The following FIRRM variants were observed in gnomAD, a reference collection of about 807,000 sequenced individuals.
FIRRM encodes FIGNL1 interacting regulator of recombination and mitosis, also known as FIGNL1-interacting regulator of recombination and mitosis.
chr1:169,849,687 T>C, the FIRRM span: 1 of 1,086,522 alleles, frequency 9.2e-7, no homozygotes, highest in Non-Finnish European at 1.4e-6. Flanking sequence ...AAAACATTTA[T>C]TGAACTGCTT....
At chr1:169,852,974 A>C in the FIRRM span, 1 of 1,614,008 alleles carries the variant, frequency 6.2e-7, no homozygotes, top group Admixed American at 1.7e-5. Flanking sequence ...CGTTACATAC[A>C]TACTCTAGGG....
the FIRRM span, chr1:169,853,717 C>CAGTT: frequency 5.6e-6 from 9 of 1,613,112 alleles, no homozygotes; most frequent in Middle Eastern, 1.6e-4. Flanking sequence ...CTATTGTCAC[C>CAGTT]AGTTATTATC....
chr1:169,791,852 A>G, the FIRRM span, among the ~76,000 whole-genome samples: 1 of 152,212 alleles, frequency 6.6e-6, no homozygotes, highest in Non-Finnish European at 1.5e-5. Context: ...TGGTAACGTG[A>G]AAATTTTTGC....
At chr1:169,827,603 A>C in the FIRRM span, 5 of 1,216,408 alleles carry the variant, frequency 4.1e-6, no homozygotes, top group Non-Finnish European at 5.9e-6. Context: ...ACACCACTGC[A>C]CTCCAGGCTG....
chr1:169,852,885 A>G, the FIRRM span: 2 of 1,614,176 alleles, frequency 1.2e-6, no homozygotes, highest in Non-Finnish European at 1.7e-6. Flanking sequence ...CAACTGAGTC[A>G]CTACTCCAAA....
chr1:169,795,320 C>A, the FIRRM span: 1 of 1,421,016 alleles, frequency 7.0e-7, no homozygotes, highest in Non-Finnish European at 9.4e-7. Context: ...TATATTACCG[C>A]GGCCTGAACC....
the FIRRM span, chr1:169,849,721 C>T: frequency 1.3e-6 from 1 of 743,984 alleles, no homozygotes; most frequent in Non-Finnish European, 2.2e-6. Flanking sequence ...GGAAAATTGT[C>T]TGAAGGGTAC....
chr1:169,834,325 C>A, the FIRRM span, among the ~76,000 whole-genome samples: 2 of 152,122 alleles, frequency 1.3e-5, no homozygotes, highest in East Asian at 3.9e-4. Context: ...CCTGAATCTG[C>A]ATACCTATTT....
the FIRRM span, among the ~76,000 whole-genome samples, chr1:169,828,817 A>G: frequency 6.6e-6 from 1 of 152,218 alleles, no homozygotes; most frequent in Admixed American, 6.5e-5. Flanking sequence ...AAATGCTGGG[A>G]TTACAGGCGT....
chr1:169,839,605 G>T, the FIRRM span, among the ~76,000 whole-genome samples: 261 of 152,154 alleles, frequency 1.7e-3, no homozygotes, highest in African/African-American at 6.2e-3. Context: ...TTTTTTACTT[G>T]TTCAGGTGTT....
the FIRRM span, among the ~76,000 whole-genome samples, chr1:169,826,362 A>AT: frequency 0.75 from 97,630 of 129,830 alleles, 37,074 homozygotes; most frequent in African/African-American, 0.92. Flanking sequence ...CACACCCGGC[A>AT]TTTTTTTTTT....
chr1:169,785,353 T>C, the FIRRM span, among the ~76,000 whole-genome samples: 1 of 152,216 alleles, frequency 6.6e-6, no homozygotes, highest in Non-Finnish European at 1.5e-5. Flanking sequence ...GTCTGCAGCT[T>C]AAGCGTTAAC....
At chr1:169,832,360 A>T in the FIRRM span, 1 of 1,242,058 alleles carries the variant, frequency 8.1e-7, no homozygotes, top group South Asian at 1.2e-5. Flanking sequence ...CTCTTCTTGT[A>T]AAAATTCTGA....
chr1:169,804,693 T>G, the FIRRM span, among the ~76,000 whole-genome samples: 1 of 152,236 alleles, frequency 6.6e-6, no homozygotes, highest in African/African-American at 2.4e-5. Flanking sequence ...TATTTTATTT[T>G]ATTTTTTTGA....
the FIRRM span, chr1:169,851,017 C>G: frequency 3.6e-5 from 1 of 27,802 alleles, no homozygotes; most frequent in Non-Finnish European, 7.3e-5. Context: ...ATTTGGGCAG[C>G]CTCCCAAGCC....
chr1:169,796,765 T>C, the FIRRM span, among the ~76,000 whole-genome samples: 1 of 152,236 alleles, frequency 6.6e-6, no homozygotes, highest in African/African-American at 2.4e-5. Flanking sequence ...CTTGCCCTTC[T>C]CTCATACCTA....
the FIRRM span, chr1:169,849,936 G>A: frequency 2.1e-6 from 1 of 467,378 alleles, no homozygotes; most frequent in East Asian, 3.9e-5. Flanking sequence ...CAGTCATAAG[G>A]GTTAGGCTGA....
At chr1:169,785,610 CCTT>C in the FIRRM span, among the ~76,000 whole-genome samples, 1 of 152,134 alleles carries the variant, frequency 6.6e-6, no homozygotes, top group Non-Finnish European at 1.5e-5. Context: ...CCTCTTCTCT[CCTT>C]CTCTGCCATG....
the FIRRM span, among the ~76,000 whole-genome samples, chr1:169,815,036 G>A: frequency 1.3e-5 from 2 of 151,778 alleles, no homozygotes; most frequent in South Asian, 2.1e-4. Context: ...GGTGGCTCAC[G>A]CCTGTAATCC....
Sources: gnomAD v4.1 joint callset for allele counts (sites outside exome capture counted in the v4.1 genomes callset) on GRCh38, gnomAD v4.1.1 for gene constraint, MANE v1.5 for transcripts, NCBI Gene and HGNC (gene_info 2026-07-23, HGNC 2026-07-21) for gene names.